Variants in LUC7L2 observed in about 807,000 individuals in gnomAD.
The protein encoded by LUC7L2 is putative RNA-binding protein Luc7-like 2.
In LUC7L2, 25 loss-of-function variants were observed where a neutral mutation model predicts 52.8. The ratio of observed to expected loss-of-function variants is 0.47; its 90% CI spans 0.34 to 0.66. The LOEUF (loss-of-function observed/expected upper bound fraction) is 0.66. LUC7L2 is among the 30% of genes least tolerant of loss of function. The probability of loss-of-function intolerance (pLI) is 0.01; values close to 1 mark genes in which losing one functional copy is unlikely to be tolerated. For missense variants in LUC7L2, 328 were observed against 497.8 expected (o/e 0.66, Z 3.25); for synonymous variants, 144 against 160.9 (o/e 0.89, Z 0.80).
At chr7:139,422,113 G>A in intron 9 of LUC7L2, 50 bp from the exon 10 acceptor site, 1 of 1,551,658 alleles carries the variant, frequency 6.4e-7, no homozygotes, top group Non-Finnish European at 8.7e-7. Context: ...CTTTAATTTG[G>A]GTTTTTGGGT....
At chr7:139,341,273 A>T in intron 1 of LUC7L2, 1 of 1,484,952 alleles carries the variant, frequency 6.7e-7, no homozygotes, top group South Asian at 1.3e-5. Context: ...TCGTCAGTCG[A>T]TAGGGGGAGT....
chr7:139,418,780 A>C (rs961909164), intron 9 of LUC7L2, among the ~76,000 whole-genome samples: 2 of 152,204 alleles, frequency 1.3e-5, no homozygotes, highest in Non-Finnish European at 2.9e-5. Context: ...AAACATAAGA[A>C]AGACGTATAA....
intron 1 of LUC7L2, chr7:139,375,636 A>G: frequency 1.0e-6 from 1 of 981,042 alleles, no homozygotes; most frequent in African/African-American, 1.7e-5. Flanking sequence ...CTGTAAATAA[A>G]AATATATCAA....
At chr7:139,359,857 C>A (rs895877232), upstream of LUC7L2, 2 of 409,582 alleles carry the variant, frequency 4.9e-6, no homozygotes, top group Admixed American at 4.4e-5. Flanking sequence ...GTTGGTGGAG[C>A]CCCCGCGGGA....
chr7:139,372,232 C>G (rs531642869), intron 1 of LUC7L2, among the ~76,000 whole-genome samples: 18 of 129,638 alleles, frequency 1.4e-4, no homozygotes, highest in Non-Finnish European at 2.1e-4. Flanking sequence ...GATCTCTGTT[C>G]CATTATTTTA....
intron 1 of LUC7L2, chr7:139,374,762 A>G (rs1340454295): frequency 3.3e-6 from 4 of 1,205,270 alleles, no homozygotes; most frequent in South Asian, 2.6e-5. Context: ...ACGTTAAAAC[A>G]ATTTGAACAA....
At chr7:139,415,067 T>G (rs144567740) in intron 8 of LUC7L2, among the ~76,000 whole-genome samples, 44,698 of 141,310 alleles carry the variant, frequency 0.32, 8,875 homozygotes, top group African/African-American at 0.53. Context: ...TTTTTTTTTT[T>G]TTTTTTTTTT....
At chr7:139,370,880 A>AT (rs113944962) in intron 1 of LUC7L2, among the ~76,000 whole-genome samples, 66 of 152,026 alleles carry the variant, frequency 4.3e-4, no homozygotes, top group African/African-American at 1.6e-3. Flanking sequence ...GTTGGAAGAA[A>AT]TGGAGGGAAA....
chr7:139,398,818 A>G, intron 3 of LUC7L2, 121 bp downstream of exon 3: 1 of 797,876 alleles, frequency 1.3e-6, no homozygotes, highest in Non-Finnish European at 1.9e-6. Context: ...TATGAAGGGT[A>G]AGACTCAAGT....
chr7:139,419,660 G>C (rs768077770), intron 9 of LUC7L2, among the ~76,000 whole-genome samples: 48 of 152,156 alleles, frequency 3.2e-4, no homozygotes, highest in Non-Finnish European at 6.5e-4. Context: ...AAGGATGGGC[G>C]TGAAGTCCCC....
intron 1 of LUC7L2, among the ~76,000 whole-genome samples, chr7:139,366,328 TTTAATC>T (rs1479316085): frequency 6.6e-6 from 1 of 152,224 alleles, no homozygotes; most frequent in East Asian, 1.9e-4. Flanking sequence ...GGTTTTTGTT[TTTAATC>T]TTAATACCTT....
At chr7:139,349,952 G>A (rs918271973) in intron 1 of LUC7L2, among the ~76,000 whole-genome samples, 2 of 152,044 alleles carry the variant, frequency 1.3e-5, no homozygotes, top group African/African-American at 2.4e-5. Flanking sequence ...AGGTTATCTT[G>A]TGCCCCTTTG....
At chr7:139,420,531 CTG>C (rs1795850711) in intron 9 of LUC7L2, among the ~76,000 whole-genome samples, 1 of 152,154 alleles carries the variant, frequency 6.6e-6, no homozygotes, top group African/African-American at 2.4e-5. Flanking sequence ...ACTATCTCAC[CTG>C]TCTTTCCCCA....
chr7:139,394,536 T>C (rs1217697465), intron 2 of LUC7L2, among the ~76,000 whole-genome samples: 29 of 152,202 alleles, frequency 1.9e-4, no homozygotes, highest in Admixed American at 1.9e-3. Flanking sequence ...CCTAGAATTA[T>C]TGCAATAGAG....
intron 6 of LUC7L2, among the ~76,000 whole-genome samples, chr7:139,409,050 G>T (rs1340022827): frequency 6.6e-6 from 1 of 151,730 alleles, no homozygotes; most frequent in African/African-American, 2.4e-5. Flanking sequence ...AGCTCCTCAG[G>T]TGGCTGAGGC....
intron 1 of LUC7L2, among the ~76,000 whole-genome samples, chr7:139,351,369 T>C (rs1192819799): frequency 2.6e-5 from 4 of 152,268 alleles, no homozygotes; most frequent in Non-Finnish European, 5.9e-5. Context: ...TACTGCTTTC[T>C]CTCCTTCATA....
At chr7:139,344,452 T>C (rs1208825237) in intron 1 of LUC7L2, among the ~76,000 whole-genome samples, 1 of 152,228 alleles carries the variant, frequency 6.6e-6, no homozygotes, top group African/African-American at 2.4e-5. Flanking sequence ...GTTGTTATAC[T>C]ACATTGTTTA....
chr7:139,421,055 C>T (rs1795882355), intron 9 of LUC7L2, among the ~76,000 whole-genome samples: 1 of 152,208 alleles, frequency 6.6e-6, no homozygotes, highest in Non-Finnish European at 1.5e-5. Context: ...CCTGCCTTGG[C>T]CTCCCAAAGT....
intron 1 of LUC7L2, among the ~76,000 whole-genome samples, chr7:139,350,963 T>C (rs536837137): frequency 6.2e-4 from 95 of 152,246 alleles, no homozygotes; most frequent in Non-Finnish European, 1.1e-3. Context: ...TGTGAGCCAC[T>C]GCGCCTGGCC....
Sources: gnomAD v4.1 joint callset for allele counts (sites outside exome capture counted in the v4.1 genomes callset) on GRCh38, gnomAD v4.1.1 for gene constraint, MANE v1.5 for transcripts, NCBI Gene and HGNC (gene_info 2026-07-23, HGNC 2026-07-21) for gene names.